NEU4: variants seen among roughly 807,000 people sequenced by gnomAD.
NEU4 encodes sialidase-4.
A neutral mutation model predicts 9.9 loss-of-function variants in NEU4; 7 were observed. The ratio of observed to expected loss-of-function variants is 0.71; its 90% CI spans 0.40 to 1.33. The LOEUF (loss-of-function observed/expected upper bound fraction) is 1.33. Among genes scored for constraint, NEU4 ranks in the 40% most tolerant of loss-of-function variants. The pLI, the probability that NEU4 is intolerant of heterozygous loss-of-function variation, is 0.01. For synonymous variants in NEU4, 348 were observed against 316.9 expected, an observed-to-expected ratio of 1.10 and a Z score of -1.04; for missense variants, 717 against 712.6, an observed-to-expected ratio of 1.01 and a Z score of -0.07.
At chr2:241,811,217 C>T in intron 1 of NEU4, 2 of 1,241,800 alleles carry the variant, frequency 1.6e-6, no homozygotes, top group South Asian at 3.7e-5. Flanking sequence ...AGTGCCTTGA[C>T]CTGCAGAGGG....
Position 241,812,475 on chromosome 2 carries a change from A to AGGG in NEU4, c.-3-2006_-3-2005insGGG, listed in dbSNP as rs1700151956. Among the ~76,000 whole-genome samples the AGGG allele has an allele frequency of 4.2e-4, 56 of 134,928 alleles. 1 individual carries two copies. The highest frequency in any genetic ancestry group is 1.0e-3 in the African/African-American group (35 of 33,428). 88.5% of individuals were successfully genotyped at this position (134,928 alleles called of 152,430 possible). ...ACTGAGCGGGGCTGGCCTCCGAGAC[A>AGGG]GAGGGGCCTGCCGAGGACACGGAGG... is the stretch of plus-strand genomic sequence containing the variant. On this transcript the variant is annotated intron_variant, in intron 1 of 3. Coordinates refer to ENST00000407683, the MANE Select transcript of NEU4 (RefSeq NM_001167600.3).
chr2:241,815,568 C>T (rs1700298292), intron 3 of NEU4: 2 of 506,190 alleles, frequency 4.0e-6, no homozygotes, highest in South Asian at 3.1e-5. Context: ...TGAGGTGTCT[C>T]TCAGCTCCCA....
At chr2:241,812,380 G>C (rs1352720474) in intron 1 of NEU4, among the ~76,000 whole-genome samples, 1 of 152,108 alleles carries the variant, frequency 6.6e-6, no homozygotes. Context: ...AGGGCGGGGG[G>C]CACTGGTTAA....
Position 241,816,883 on chromosome 2 carries a change from G to A in NEU4, c.1290G>A (p.Glu430=), listed in dbSNP as rs767264960. 6 of 1,611,834 alleles carry A rather than the reference G, an allele frequency of 3.7e-6. No individual in the cohort carries two copies. Among genetic ancestry groups the A allele is most frequent in the Non-Finnish European group, 4.2e-6 (5 of 1,179,118 alleles). The stretch of plus-strand genomic sequence containing the variant: ...TGGCGTCCATCGGGCCGGCCCCTGA[G>A]GGGGGCCTGGTTTTTGCCTGCCTGT... ...SDLASIGPAP[E]GGLVFACLYE... is the part of the protein sequence containing the mutation. Residue 430 remains glutamate (E), a synonymous_variant, in exon 4 of 4, where the codon GAG becomes GAA. Coordinates refer to ENST00000407683, the MANE Select transcript of NEU4 (RefSeq NM_001167600.3).
chr2:241,815,719 C>A, intron 3 of NEU4: 1 of 555,690 alleles, frequency 1.8e-6, no homozygotes, highest in Non-Finnish European at 3.3e-6. Flanking sequence ...GTGGGAGCTA[C>A]AGCAGGGAGT....
chr2:241,815,095 G>T lies in NEU4; in HGVS notation c.405G>T (p.Ser135=), dbSNP rs367892217. ...TGGCCAGCCGTGACGCCGGCCTCTC[G>T]TGGGGCAGCGCCCGGGACCTCACCG... The part of the protein sequence containing the change: ...CCVASRDAGL[S]WGSARDLTEE... Residue 135 remains serine (S), a synonymous_variant, in exon 3 of 4, where the codon TCG becomes TCT. Transcript: ENST00000407683. 2 of 1,578,786 alleles carry T rather than the reference G, an allele frequency of 1.3e-6. No homozygotes were observed. The highest frequency in any genetic ancestry group is 8.6e-7 in the Non-Finnish European group (1 of 1,168,618).
Position 241,817,028 on chromosome 2 carries a change from G to A in NEU4, c.1435G>A (p.Gly479Arg), listed in dbSNP as rs1269689107. Residue 479 changes from glycine to arginine, a missense_variant, in exon 4 of 4, where the codon GGG becomes AGG. Gly to Arg is a moderately radical substitution (Grantham distance 125, BLOSUM62 -2). Transcript: ENST00000407683. ...KPPNLGDKPR[G>R]CCWPS The stretch of plus-strand genomic sequence containing the variant: ...GCCCAACCTTGGGGACAAGCCTCGG[G>A]GGTGCTGCTGGCCCTCCTGACAGGC... 11 of 1,596,336 alleles carry A rather than the reference G, an allele frequency of 6.9e-6. No homozygotes were observed. Among genetic ancestry groups the A allele is most frequent in the Non-Finnish European group, 9.4e-6 (11 of 1,172,100 alleles).
chr2:241,816,177 C>T lies in NEU4; in HGVS notation c.584C>T (p.Pro195Leu). 6.2e-7 allele frequency: 1 copy of T among 1,612,688 alleles called. No homozygotes were observed. The highest frequency in any genetic ancestry group is 8.5e-7 in the Non-Finnish European group (1 of 1,179,850). The change falls in exon 4 of 4, where the codon CCT (proline) becomes CTT (leucine). Residue 195 changes from proline to leucine, a missense_variant. Transcript: ENST00000407683. ...ECFGKICRTS[P>L]HSFAFYSDDH... Reference sequence around the variant, plus strand: ...TTTGGCAAGATCTGCCGGACCAGCCCTCACTCCTTCGCCTTCTACAGCGAT... The same window carrying T: ...TTTGGCAAGATCTGCCGGACCAGCCTTCACTCCTTCGCCTTCTACAGCGAT...
rs765197792 is a variant in NEU4 at position 241,814,909 on chromosome 2, G to A, written c.219G>A (p.Val73=). The change falls in exon 3 of 4, where the codon GTG becomes GTA. Residue 73 remains valine, a synonymous_variant. Transcript: ENST00000407683. The stretch of plus-strand genomic sequence containing the variant: ...CTGGGCAGTGGGGTGCCCTGCACGT[G>A]CTGGGGACAGCAGCCCTGGCGGAGC... The part of the protein sequence containing the change: ...GGSVRWGALH[V]LGTAALAEHR... 6.2e-7 allele frequency: 1 copy of A among 1,611,100 alleles called. No individual in the cohort carries two copies. Among genetic ancestry groups the A allele is most frequent in the South Asian group, 1.1e-5 (1 of 90,976 alleles).
intron 1 of NEU4, chr2:241,811,408 G>A (rs1575377507): frequency 6.5e-7 from 1 of 1,549,464 alleles, no homozygotes; most frequent in Non-Finnish European, 8.8e-7. Context: ...CTCTGCTCTG[G>A]GTCAGGCGAG....
rs779369151 is a variant in NEU4 at position 241,814,997 on chromosome 2, A to G, written c.307A>G (p.Ile103Val). The G allele has an allele frequency of 1.2e-6, 2 of 1,607,950 alleles. No homozygotes were observed. Among genetic ancestry groups the G allele is most frequent in the Admixed American group, 3.3e-5 (2 of 59,890 alleles). ...AGTGTVFLFF[I>V]AVLGHTPEAV... ...CACGGGCACCGTCTTCCTCTTCTTC[A>G]TCGCGGTGCTGGGCCACACGCCTGA... The change falls in exon 3 of 4, where the codon ATC (isoleucine) becomes GTC (valine). Residue 103 changes from isoleucine to valine, a missense_variant. Physicochemically the swap from Ile to Val is conservative, Grantham distance 29 (BLOSUM62 3). Coordinates refer to ENST00000407683, the MANE Select transcript of NEU4 (RefSeq NM_001167600.3).
At chr2:241,809,379 A>C in intron 1 of NEU4, 105 bp downstream of exon 1, 1 of 556,368 alleles carries the variant, frequency 1.8e-6, no homozygotes, top group East Asian at 7.0e-5. Context: ...CTGTGCATTG[A>C]GAAGGGGCGG....
Position 241,816,481 on chromosome 2 carries a change from G to A in NEU4, c.888G>A (p.Trp296Ter), listed in dbSNP as rs1271504049. The A allele has an allele frequency of 6.2e-7, 1 of 1,610,012 alleles. No individual in the cohort carries two copies. Among genetic ancestry groups the A allele is most frequent in the South Asian group, 1.1e-5 (1 of 90,612 alleles). Residue 296 changes from tryptophan to a stop codon, truncating the protein, a stop_gained, in exon 4 of 4, where the codon TGG (tryptophan) becomes TGA (stop). Coordinates refer to ENST00000407683, the MANE Select transcript of NEU4 (RefSeq NM_001167600.3). LOFTEE classifies it low-confidence loss of function (END_TRUNC). The part of the protein sequence containing the change: ...PAPNRPRDDS[W>*]SVGPGSPLQP... ...CCAACAGGCCACGGGATGACAGTTG[G>A]TCAGTGGGCCCCGGGAGTCCCCTCC...
intron 1 of NEU4, chr2:241,811,597 C>A: frequency 1.4e-6 from 1 of 714,596 alleles, no homozygotes; most frequent in Non-Finnish European, 2.0e-6. Flanking sequence ...CCACTCCTTG[C>A]CAACCCCAGG....
Position 241,817,316 on chromosome 2 carries a change from A to G in NEU4, c.*268A>G, listed in dbSNP as rs1455179363. The G allele has an allele frequency of 1.3e-5, 6 of 463,886 alleles. No individual in the cohort carries two copies. The highest frequency in any genetic ancestry group is 2.2e-5 in the Non-Finnish European group (6 of 267,134). The allele number at this position is 463,886 out of a possible 1,614,324, so 28.7% of individuals were successfully genotyped here. ...AGCTCCCTTCCGAGGCTGCAGGGCC[A>G]GGCGCGGGACCGCAGGTAGCCCAGG... On this transcript the variant is annotated 3_prime_UTR_variant, in exon 4 of 4. Transcript: ENST00000407683.
chr2:241,816,196 C>T lies in NEU4; in HGVS notation c.603C>T (p.Tyr201=), dbSNP rs1034916656. The T allele has an allele frequency of 8.7e-6, 14 of 1,612,636 alleles. No homozygotes were observed. Among genetic ancestry groups the T allele is most frequent in the Non-Finnish European group, 1.2e-5 (14 of 1,179,840 alleles). Residue 201 remains tyrosine (Y), a synonymous_variant, in exon 4 of 4, where the codon TAC becomes TAT. Transcript: ENST00000407683. ...CRTSPHSFAF[Y]SDDHGRTWRC... ...CCAGCCCTCACTCCTTCGCCTTCTA[C>T]AGCGATGACCACGGCCGCACCTGGC...
chr2:241,817,207 T>G lies in NEU4; in HGVS notation c.*159T>G. On this transcript the variant is annotated 3_prime_UTR_variant, in exon 4 of 4. Coordinates refer to ENST00000407683, the MANE Select transcript of NEU4 (RefSeq NM_001167600.3). The stretch of plus-strand genomic sequence containing the variant: ...GAGCTCTCAAGCAGGGACTGCTCTT[T>G]AGGAAGGGGAGCAGCGGCTGGGAGT... 1.4e-6 allele frequency: 1 copy of G among 735,276 alleles called. No homozygotes were observed. Among genetic ancestry groups the G allele is most frequent in the Non-Finnish European group, 2.1e-6 (1 of 480,792 alleles). 45.5% of individuals were successfully genotyped at this position (735,276 alleles called of 1,614,324 possible).
Position 241,816,931 on chromosome 2 carries a change from C to T in NEU4, c.1338C>T (p.Ser446=), listed in dbSNP as rs1700370219. The T allele has an allele frequency of 6.2e-7, 1 of 1,612,928 alleles. No individual in the cohort carries two copies. The highest frequency in any genetic ancestry group is 1.1e-5 in the South Asian group (1 of 91,082). ...ACLYESGART[S]YDEISFCTFS... ...TGTACGAGAGCGGGGCCAGGACCTC[C>T]TATGATGAGATTTCCTTTTGTACAT... The change falls in exon 4 of 4, where the codon TCC becomes TCT. Residue 446 remains serine (S), a synonymous_variant. Transcript: ENST00000407683.
intron 3 of NEU4, 47 bp downstream of exon 3, chr2:241,815,194 C>T: frequency 6.7e-7 from 1 of 1,492,516 alleles, no homozygotes; most frequent in South Asian, 1.3e-5. Context: ...TGGCCACGGT[C>T]CACATGGAAG....
Sources: gnomAD v4.1 joint callset for allele counts (sites outside exome capture counted in the v4.1 genomes callset) on GRCh38, gnomAD v4.1.1 for gene constraint, MANE v1.5 for transcripts, NCBI Gene and HGNC (gene_info 2026-07-23, HGNC 2026-07-21) for gene names.